Variants in ATG9A observed in about 807,000 individuals in gnomAD.
The protein encoded by ATG9A is autophagy-related protein 9A.
In ATG9A, 21 loss-of-function variants were observed where a neutral mutation model predicts 87.1. The observed-to-expected ratio is 0.24, with a 90% CI of 0.17 to 0.35. ATG9A has a LOEUF of 0.35. ATG9A is among the 10% of genes least tolerant of loss of function. The pLI, the probability that ATG9A is intolerant of heterozygous loss-of-function variation, is 1.00. For synonymous variants in ATG9A, 422 were observed against 441.3 expected (o/e 0.96, Z 0.55); for missense variants, 836 against 1,107.3 (o/e 0.76, Z 3.48).
Position 219,228,222 on chromosome 2 carries a change from G to T in ATG9A, c.-29-169C>A. On this transcript the variant is annotated intron_variant, in intron 2 of 15. Transcript: ENST00000361242. ...CAAGAAAGGCAGTAAGCTCAGGGCT[G>T]GGGGAGCCTTAACTCTGGCCAGTCT... is the stretch of plus-strand genomic sequence containing the variant. 3 of 571,584 alleles carry T rather than the reference G, an allele frequency of 5.2e-6. No homozygotes were observed. The South Asian group carries it at 6.8e-5, about 13-fold the overall frequency. 35.4% of individuals were successfully genotyped at this position (571,584 alleles called of 1,614,324 possible).
intron 15 of ATG9A, 53 bp from the exon 16 acceptor site, chr2:219,220,505 C>T: frequency 1.2e-6 from 2 of 1,606,822 alleles, no homozygotes; most frequent in Admixed American, 1.7e-5. Flanking sequence ...CTGGTTGATA[C>T]CTGCTAGCCC....
In ATG9A at chr2:219,225,024, C is replaced by A. The variant is rs370719092; in HGVS notation, c.516+47G>T. 47 of 1,609,760 alleles carry A rather than the reference C, an allele frequency of 2.9e-5. No individual in the cohort carries two copies. The African/African-American group carries it at 5.9e-4, about 20-fold the overall frequency. On this transcript the variant is annotated intron_variant, in intron 7 of 15. Transcript: ENST00000361242. ...TGCCCAGGAATACACCCACACCTCC[C>A]AATACGTCTTAGACTATGGGCTAAC... is the stretch of plus-strand genomic sequence containing the variant.
chr2:219,223,087 C>CTTTT lies in ATG9A; in HGVS notation c.1600-198_1600-195dup, dbSNP rs34309756. Among the ~76,000 whole-genome samples the CTTTT allele has an allele frequency of 7.4e-6, 1 of 134,870 alleles. No homozygotes were observed. 88.5% of individuals were successfully genotyped at this position (134,870 alleles called of 152,430 possible). On this transcript the variant is annotated intron_variant, in intron 10 of 15. Coordinates refer to ENST00000361242, the MANE Select transcript of ATG9A (RefSeq NM_001077198.3). This position sits in a 1 kb window ranked among gnomAD's most constrained non-coding sequence, Gnocchi z 4.7. ...GCTGAGCCAGTTACTTGTGTTGTGC[C>CTTTT]TTTTTTTTTTTTTTTTTTGAGATGG...
At chr2:219,228,167 C>T in intron 2 of ATG9A, 114 bp from the exon 3 acceptor site, 1 of 692,538 alleles carries the variant, frequency 1.4e-6, no homozygotes, top group Non-Finnish European at 2.4e-6. Context: ...CTACCAGCCT[C>T]CTTGGCTCAG....
chr2:219,225,628 C>G (rs1950845840), intron 5 of ATG9A, 56 bp from the exon 6 acceptor site: 1 of 1,575,268 alleles, frequency 6.3e-7, no homozygotes. Flanking sequence ...TCCAGTGAAA[C>G]CCAGTGGGAA....
At position 219,219,991 on chromosome 2, in the gene ATG9A, G is replaced by C. The variant is rs1007978138; in HGVS notation, c.*456C>G. 5.4e-6 allele frequency: 1 copy of C among 186,902 alleles called. No individual in the cohort carries two copies. Among genetic ancestry groups the C allele is most frequent in the African/African-American group, 2.3e-5 (1 of 42,734 alleles). The allele number at this position is 186,902 out of a possible 1,614,324, so 11.6% of individuals were successfully genotyped here. On this transcript the variant is annotated 3_prime_UTR_variant, in exon 16 of 16. Transcript: ENST00000361242. ...TGGGCGAGAACTGCGGGTGAGGTAAGGGCCACAGCCTGACCTGCTCATCTA... is the reference window on the plus strand; with the variant it reads ...TGGGCGAGAACTGCGGGTGAGGTAACGGCCACAGCCTGACCTGCTCATCTA...
In ATG9A at chr2:219,222,074, G is replaced by T; in HGVS notation, c.2121C>A (p.Ser707Arg). 3.1e-6 allele frequency: 5 copies of T among 1,614,008 alleles called. No homozygotes were observed. The highest frequency in any genetic ancestry group is 4.2e-6 in the Non-Finnish European group (5 of 1,180,010). Residue 707 changes from serine to arginine, a missense_variant, in exon 13 of 16, where the codon AGC (serine) becomes AGA (arginine). Ser to Arg is a moderately radical substitution (Grantham distance 110). Around this residue, in one of 2 missense-constraint regions of ATG9A, gnomAD observed 324 missense variants for 347.6 expected, o/e 0.93. Transcript: ENST00000361242. The surrounding 1 kb of genome is among the most constrained non-coding windows in gnomAD (Gnocchi z 4.3). ...CCTGGTGCATATAGAGGGCATGCAG[G>T]CTCATCTCTGTGGATGCATATTCTG... Reference protein sequence around the residue: ...VLSEYASTEMSLHALYMHQLH... With the variant: ...VLSEYASTEMRLHALYMHQLH...
rs766665805 is a variant in ATG9A, at chr2:219,223,793, G to A, written c.1420-29C>T. 55 of 1,613,550 alleles carry A rather than the reference G, an allele frequency of 3.4e-5. No homozygotes were observed. Among genetic ancestry groups the A allele is most frequent in the Non-Finnish European group, 4.7e-5 (55 of 1,179,862 alleles). On this transcript the variant is annotated intron_variant, in intron 9 of 15. Coordinates refer to ENST00000361242, the MANE Select transcript of ATG9A (RefSeq NM_001077198.3). This position sits in a 1 kb window ranked among gnomAD's most constrained non-coding sequence, Gnocchi z 4.7. ...AAAGGGCGGGACCAAGGTCACAAGCGAGCAGGAGGGAGCCCAGCCCTCACC... is the reference window on the plus strand; with the variant it reads ...AAAGGGCGGGACCAAGGTCACAAGCAAGCAGGAGGGAGCCCAGCCCTCACC...
Position 219,223,955 on chromosome 2 carries a change from T to C in ATG9A, c.1333A>G (p.Ile445Val), listed in dbSNP as rs183583600. 2.4e-5 allele frequency: 39 copies of C among 1,614,192 alleles called. No homozygotes were observed. Among genetic ancestry groups the C allele is most frequent in the Non-Finnish European group, 3.0e-5 (35 of 1,180,032 alleles). Residue 445 changes from isoleucine (I) to valine (V), a missense_variant, in exon 9 of 16, where the codon ATC becomes GTC. This residue lies in a region of ATG9A where 512 missense variants were observed against 759.6 expected (regional missense o/e 0.67). Transcript: ENST00000361242. The surrounding 1 kb of genome is among the most constrained non-coding windows in gnomAD (Gnocchi z 4.7). ...EQLLRVILAH[I>V]HYMPDHWQGN... ...TGCCAGTGGTCAGGCATGTAGTGGA[T>C]GTGAGCGAGGATCACGCGGAGCAGC...
At chr2:219,220,593 A>G (rs2106435076) in intron 15 of ATG9A, 141 bp from the exon 16 acceptor site, 1 of 1,491,266 alleles carries the variant, frequency 6.7e-7, no homozygotes, top group Non-Finnish European at 9.2e-7. Context: ...AGCCCTGCAG[A>G]GCAGTTGAGA....
rs1950807217 is a variant in ATG9A, at chr2:219,223,582, T to C, written c.1599+3A>G. The C allele has an allele frequency of 6.3e-7, 1 of 1,594,706 alleles. No homozygotes were observed. Among genetic ancestry groups the C allele is most frequent in the Non-Finnish European group, 8.6e-7 (1 of 1,169,436 alleles). ...GCCACCTGGCTCCCTCCTCTCCCAG[T>C]ACCTGGGGATGACCATGCTGGCGAA... is the stretch of plus-strand genomic sequence containing the variant. On this transcript the variant is annotated splice_donor_region_variant and intron_variant, in intron 10 of 15. Transcript: ENST00000361242. This position sits in a 1 kb window ranked among gnomAD's most constrained non-coding sequence, Gnocchi z 4.7.
In ATG9A at chr2:219,225,140, C is replaced by T; in HGVS notation, c.447G>A (p.Lys149=). The T allele has an allele frequency of 2.5e-6, 4 of 1,614,140 alleles. No individual in the cohort carries two copies. Among genetic ancestry groups the T allele is most frequent in the Non-Finnish European group, 3.4e-6 (4 of 1,180,028 alleles). ...AGVFWIHRLI[K]FIYNICCYWE... is the part of the protein sequence containing the mutation. The stretch of plus-strand genomic sequence containing the variant: ...AGTAGCAGCAAATGTTATAGATGAA[C>T]TTGATAAGCCGGTGGATCCAGAAGA... Residue 149 remains lysine (K), a synonymous_variant, in exon 7 of 16, where the codon AAG becomes AAA. Transcript: ENST00000361242.
chr2:219,223,759 G>A lies in ATG9A; in HGVS notation c.1425C>T (p.Phe475=). 1 of 1,613,050 alleles carries A rather than the reference G, an allele frequency of 6.2e-7. No homozygotes were observed. Among genetic ancestry groups the A allele is most frequent in the Non-Finnish European group, 8.5e-7 (1 of 1,179,370 alleles). ...FAQLFQYKAV[F]ILEELLSPIV... Reference sequence around the variant, plus strand: ...TGGGGCTCAGCAACTCTTCCAAAATGAACACCTAAAAGGGCGGGACCAAGG... The same window carrying A: ...TGGGGCTCAGCAACTCTTCCAAAATAAACACCTAAAAGGGCGGGACCAAGG... Residue 475 remains phenylalanine (F), a synonymous_variant, in exon 10 of 16, where the codon TTC becomes TTT. Transcript: ENST00000361242. The surrounding 1 kb of genome is among the most constrained non-coding windows in gnomAD (Gnocchi z 4.7).
At position 219,223,837 on chromosome 2, in the gene ATG9A, C is replaced by G. The variant is rs1242061977; in HGVS notation, c.1419+32G>C. 8.1e-6 allele frequency: 13 copies of G among 1,613,984 alleles called. No homozygotes were observed. The highest frequency in any genetic ancestry group is 1.0e-5 in the Non-Finnish European group (12 of 1,180,028). Reference sequence around the variant, plus strand: ...CCTCACCACCGAGCTACCAGCCAGTCTCTAGCAGGCCCTAACTCCAACTCC... The same window carrying G: ...CCTCACCACCGAGCTACCAGCCAGTGTCTAGCAGGCCCTAACTCCAACTCC... On this transcript the variant is annotated intron_variant, in intron 9 of 15. Coordinates refer to ENST00000361242, the MANE Select transcript of ATG9A (RefSeq NM_001077198.3). The surrounding 1 kb of genome is among the most constrained non-coding windows in gnomAD (Gnocchi z 4.7).
At chr2:219,227,743 G>A (rs541070330) in intron 4 of ATG9A, 27 bp downstream of exon 4, 44 of 1,612,410 alleles carry the variant, frequency 2.7e-5, no homozygotes, top group Non-Finnish European at 3.7e-5. Context: ...AGGTCCCAGA[G>A]CTCCAACTCA....
Position 219,224,501 on chromosome 2 carries a change from G to C in ATG9A, c.870C>G (p.Ile290Met). The change falls in exon 8 of 16, where the codon ATC becomes ATG. Residue 290 changes from isoleucine to methionine, a missense_variant. This residue lies in a region of ATG9A where 512 missense variants were observed against 759.6 expected (regional missense o/e 0.67). Transcript: ENST00000361242. This position sits in a 1 kb window ranked among gnomAD's most constrained non-coding sequence, Gnocchi z 7.7. Reference protein sequence around the residue: ...LELAQRLSNRILWIGIANFLL... With the variant: ...LELAQRLSNRMLWIGIANFLL... ...GGAAGTTAGCGATGCCAATCCACAG[G>C]ATGCGGTTGCTGAGGCGCTGGGCCA... 2 of 1,614,138 alleles carry C rather than the reference G, an allele frequency of 1.2e-6. No homozygotes were observed. The highest frequency in any genetic ancestry group is 1.1e-5 in the South Asian group (1 of 91,082).
chr2:219,224,761 T>G lies in ATG9A; in HGVS notation c.610A>C (p.Thr204Pro). ...HQICIHKREL[T>P]ELDIYHRILR... is the part of the protein sequence containing the mutation. ...ATGCGGTGGTAGATGTCCAGTTCTGTCAGCTCACGTTTGTGGATGCAGATC... is the reference window on the plus strand; with the variant it reads ...ATGCGGTGGTAGATGTCCAGTTCTGGCAGCTCACGTTTGTGGATGCAGATC... The change falls in exon 8 of 16, where the codon ACA becomes CCA. Residue 204 changes from threonine (T) to proline (P), a missense_variant. Around this residue, in one of 2 missense-constraint regions of ATG9A, gnomAD observed 512 missense variants for 759.6 expected, o/e 0.67. Transcript: ENST00000361242. This position sits in a 1 kb window ranked among gnomAD's most constrained non-coding sequence, Gnocchi z 7.7. 1 of 1,614,210 alleles carries G rather than the reference T, an allele frequency of 6.2e-7. No individual in the cohort carries two copies. The highest frequency in any genetic ancestry group is 8.5e-7 in the Non-Finnish European group (1 of 1,180,032).
At chr2:219,221,770 C>G (rs914089177) in intron 13 of ATG9A, among the ~76,000 whole-genome samples, 4 of 152,144 alleles carry the variant, frequency 2.6e-5, no homozygotes, top group African/African-American at 9.7e-5. Flanking sequence ...GAGCCTTTTA[C>G]TGAGAGTGAT....
Position 219,222,428 on chromosome 2 carries a change from A to G in ATG9A, c.1871T>C (p.Val624Ala), listed in dbSNP as rs1950780402. The G allele has an allele frequency of 6.4e-7, 1 of 1,572,790 alleles. No individual in the cohort carries two copies. Among genetic ancestry groups the G allele is most frequent in the Admixed American group, 1.9e-5 (1 of 52,928 alleles). Residue 624 changes from valine to alanine, a missense_variant, in exon 12 of 16, where the codon GTG (valine) becomes GCG (alanine). By Grantham distance (64) the Val-to-Ala change is moderately conservative (BLOSUM62 0). This residue lies in a region of ATG9A where 324 missense variants were observed against 347.6 expected (regional missense o/e 0.93). Coordinates refer to ENST00000361242, the MANE Select transcript of ATG9A (RefSeq NM_001077198.3). The surrounding 1 kb of genome is among the most constrained non-coding windows in gnomAD (Gnocchi z 4.3). ...GCCCCGGCAGGATGAGCCAGCTACCACATTTGCGATAAGGCTCAGGGGCTA... is the reference window on the plus strand; with the variant it reads ...GCCCCGGCAGGATGAGCCAGCTACCGCATTTGCGATAAGGCTCAGGGGCTA... ...ESEPLSLIAN[V>A]VAGSSCRGPP...
Sources: gnomAD v4.1 joint callset for allele counts (sites outside exome capture counted in the v4.1 genomes callset) on GRCh38, gnomAD v4.1.1 for gene constraint, gnomAD v4.1.1 regional missense constraint, Gnocchi (gnomAD v3.1) non-coding constraint, MANE v1.5 for transcripts, NCBI Gene and HGNC (gene_info 2026-07-23, HGNC 2026-07-21) for gene names.